CHST13: variants seen among roughly 807,000 people sequenced by gnomAD.
CHST13 encodes carbohydrate sulfotransferase 13.
A neutral mutation model predicts 7.0 loss-of-function variants in CHST13; 1 was observed. That is an observed-to-expected ratio of 0.14 (90% CI 0.05 to 0.68). The LOEUF (loss-of-function observed/expected upper bound fraction) is 0.68, where lower values mean the gene tolerates loss of function less well. CHST13 is among the 30% of genes least tolerant of loss of function. The pLI is 0.82. For missense variants in CHST13, 572 were observed against 507.9 expected, an observed-to-expected ratio of 1.13 and a Z score of -1.21; for synonymous variants, 257 against 240.9, an observed-to-expected ratio of 1.07 and a Z score of -0.62.
Position 126,524,293 on chromosome 3 carries a change from G to C in CHST13, c.-40G>C. 1 of 1,221,152 alleles carries C rather than the reference G, an allele frequency of 8.2e-7. No individual in the cohort carries two copies. Among genetic ancestry groups the C allele is most frequent in the Non-Finnish European group, 1.0e-6 (1 of 979,908 alleles). 75.6% of individuals were successfully genotyped at this position (1,221,152 alleles called of 1,614,324 possible). ...GGCCAGTGCAACTCCGCCCCCAGCC[G>C]TATCCAGCGGACTGTCCTCCGCCGC... On this transcript the variant is annotated 5_prime_UTR_variant, in exon 1 of 3. Coordinates refer to ENST00000319340, the MANE Select transcript of CHST13 (RefSeq NM_152889.3).
intron 1 of CHST13, among the ~76,000 whole-genome samples, chr3:126,530,924 C>T (rs931531164): frequency 1.3e-5 from 2 of 152,222 alleles, no homozygotes; most frequent in East Asian, 1.9e-4. Context: ...GTGGCCTGGG[C>T]GCAGAGGGGG....
intron 2 of CHST13, among the ~76,000 whole-genome samples, chr3:126,540,935 T>C (rs193288755): frequency 6.6e-6 from 1 of 152,346 alleles, no homozygotes; most frequent in East Asian, 1.9e-4. Flanking sequence ...AACACTTTCT[T>C]TTATGAACTC....
Position 126,542,258 on chromosome 3 carries a change from C to A in CHST13, c.706C>A (p.Arg236Ser). 4 of 1,549,172 alleles carry A rather than the reference C, an allele frequency of 2.6e-6. No homozygotes were observed. The South Asian group carries it at 4.7e-5, about 18-fold the overall frequency. The change falls in exon 3 of 3, where the codon CGC (arginine) becomes AGC (serine). Residue 236 changes from arginine to serine, a missense_variant. Coordinates refer to ENST00000319340, the MANE Select transcript of CHST13 (RefSeq NM_152889.3). ...GTTCCTGGCCTACCTGCTGGACCCG[C>A]GCACGCGGCGTGAGGAGCCCTTCAA... ...AEFLAYLLDP[R>S]TRREEPFNEH...
intron 1 of CHST13, among the ~76,000 whole-genome samples, chr3:126,530,835 G>C (rs1936641995): frequency 6.6e-6 from 1 of 152,272 alleles, no homozygotes; most frequent in African/African-American, 2.4e-5. Flanking sequence ...TGGAGACACA[G>C]GTGGCCCTGA....
rs186610713 is a variant in CHST13 at position 126,528,626 on chromosome 3, T to G, written c.97+4197T>G. On this transcript the variant is annotated intron_variant, in intron 1 of 2. Transcript: ENST00000319340. ...CCTGGGGCCTACCCGGGGCTGGCCA[T>G]GGGCAGGGAAGGTGGAAGTGGGGTC... 9.5e-3 allele frequency among the ~76,000 whole-genome samples: 1,441 copies of G among 152,140 alleles called. 66 individuals carry two copies. Among genetic ancestry groups the G allele is most frequent in the Admixed American group, 0.073 (1,120 of 15,290 alleles).
chr3:126,525,582 C>A (rs1190461553), intron 1 of CHST13, among the ~76,000 whole-genome samples: 2 of 152,162 alleles, frequency 1.3e-5, no homozygotes, highest in Non-Finnish European at 2.9e-5. Context: ...AATCTCCTGG[C>A]AGTCTGGGGT....
At chr3:126,528,064 C>T (rs1283663149) in intron 1 of CHST13, among the ~76,000 whole-genome samples, 2 of 151,076 alleles carry the variant, frequency 1.3e-5, no homozygotes, top group East Asian at 2.0e-4. Context: ...GGAGAGGAAA[C>T]TGCAAGCAGA....
chr3:126,528,383 C>T (rs1389476106), intron 1 of CHST13, among the ~76,000 whole-genome samples: 2 of 152,156 alleles, frequency 1.3e-5, no homozygotes, highest in African/African-American at 4.8e-5. Flanking sequence ...TCAACCTACA[C>T]AGAACTCAAA....
At chr3:126,539,874 C>CG (rs1936909505) in intron 2 of CHST13, among the ~76,000 whole-genome samples, 1 of 264 alleles carries the variant, frequency 3.8e-3, no homozygotes, top group Non-Finnish European at 6.6e-3. Flanking sequence ...ACACCACACA[C>CG]ACACACAAAC....
chr3:126,538,120 G>T (rs1936837174), intron 2 of CHST13, among the ~76,000 whole-genome samples: 1 of 152,220 alleles, frequency 6.6e-6, no homozygotes, highest in Non-Finnish European at 1.5e-5. Context: ...TGTAAAATGG[G>T]TATTCATGTG....
intron 2 of CHST13, among the ~76,000 whole-genome samples, chr3:126,536,883 A>T (rs1022530368): frequency 1.5e-4 from 19 of 127,770 alleles, no homozygotes; most frequent in Admixed American, 5.4e-4. Context: ...TCTCTTTCTC[A>T]CACACACACA....
intron 1 of CHST13, among the ~76,000 whole-genome samples, chr3:126,533,186 GT>G (rs1294329610): frequency 6.6e-6 from 1 of 152,084 alleles, no homozygotes; most frequent in Non-Finnish European, 1.5e-5. Flanking sequence ...AATAGACAAA[GT>G]TTTACTTATT....
chr3:126,529,264 G>C (rs111630412), intron 1 of CHST13: 22 of 1,220,930 alleles, frequency 1.8e-5, no homozygotes, highest in Non-Finnish European at 2.4e-5. Flanking sequence ...GCAACATGAC[G>C]TGTGCGGGTG....
chr3:126,538,726 G>A (rs1483335767), intron 2 of CHST13, among the ~76,000 whole-genome samples: 6 of 152,192 alleles, frequency 3.9e-5, no homozygotes, highest in Non-Finnish European at 7.3e-5. Flanking sequence ...CAGTCCTGAC[G>A]GTGGAAACAG....
intron 2 of CHST13, among the ~76,000 whole-genome samples, chr3:126,537,141 C>G (rs1365565932): frequency 6.6e-6 from 1 of 152,188 alleles, no homozygotes; most frequent in African/African-American, 2.4e-5. Flanking sequence ...AACAAGAGCT[C>G]TCCTGAGAGG....
rs769922797 is a variant in CHST13 at position 126,542,343 on chromosome 3, T to G, written c.791T>G (p.Val264Gly). 6.4e-7 allele frequency: 1 copy of G among 1,566,492 alleles called. No individual in the cohort carries two copies. Among genetic ancestry groups the G allele is most frequent in the Admixed American group, 1.8e-5 (1 of 55,218 alleles). The change falls in exon 3 of 3, where the codon GTG (valine) becomes GGG (glycine). Residue 264 changes from valine to glycine, a missense_variant. By Grantham distance (109) the Val-to-Gly change is moderately radical. Coordinates refer to ENST00000319340, the MANE Select transcript of CHST13 (RefSeq NM_152889.3). Reference protein sequence around the residue: ...CHPCRLRYDVVGKFETLAEDA... With the variant: ...CHPCRLRYDVGGKFETLAEDA... ...CCGTGTCGCCTCCGCTACGACGTCGTGGGCAAGTTCGAGACGCTGGCGGAG... is the reference window on the plus strand; with the variant it reads ...CCGTGTCGCCTCCGCTACGACGTCGGGGGCAAGTTCGAGACGCTGGCGGAG...
intron 2 of CHST13, among the ~76,000 whole-genome samples, chr3:126,538,205 C>A (rs58866773): frequency 0.032 from 4,872 of 152,362 alleles, 249 homozygotes; most frequent in African/African-American, 0.11. Flanking sequence ...CTGAGCTGCT[C>A]GGAGACTGGC....
intron 1 of CHST13, among the ~76,000 whole-genome samples, chr3:126,529,788 CCT>C (rs1269889030): frequency 1.3e-5 from 2 of 152,198 alleles, no homozygotes; most frequent in African/African-American, 2.4e-5. Context: ...CCTTCTCTCC[CCT>C]GTCTCCCTAA....
intron 1 of CHST13, among the ~76,000 whole-genome samples, chr3:126,526,384 T>A (rs1255755605): frequency 2.0e-5 from 3 of 152,186 alleles, no homozygotes; most frequent in African/African-American, 7.2e-5. Context: ...ATGCCTGAGT[T>A]GGAAGGGATG....
Sources: allele counts gnomAD v4.1 joint callset (sites outside exome capture counted in the v4.1 genomes callset), GRCh38; gene constraint gnomAD v4.1.1; transcripts MANE v1.5; gene names NCBI Gene and HGNC (gene_info 2026-07-23, HGNC 2026-07-21).